ZNF793: variants seen among roughly 807,000 people sequenced by gnomAD.
ZNF793 encodes the protein zinc finger protein 793.
Under a neutral mutation model 12.4 loss-of-function variants are expected in ZNF793, and 5 were observed. The observed-to-expected ratio is 0.40, with a 90% CI of 0.21 to 0.84. ZNF793 has a LOEUF of 0.84. ZNF793 is among the 40% of genes least tolerant of loss of function. The pLI, the probability that ZNF793 is intolerant of heterozygous loss-of-function variation, is 0.35. For synonymous variants in ZNF793, 162 were observed against 172.4 expected (o/e 0.94, Z 0.47); for missense variants, 456 against 495.0 (o/e 0.92, Z 0.75).
intron 5 of ZNF793, among the ~76,000 whole-genome samples, chr19:37,530,477 G>A (rs1429323205): frequency 6.6e-6 from 1 of 152,152 alleles, no homozygotes; most frequent in African/African-American, 2.4e-5. Context: ...GCGGCCTTCT[G>A]TAGTGTGTTG....
chr19:37,519,492 G>A lies in ZNF793; in HGVS notation c.-275-692G>A, dbSNP rs564573195. Among the ~76,000 whole-genome samples the A allele has an allele frequency of 3.3e-5, 5 of 152,220 alleles. No homozygotes were observed. In the South Asian group the frequency reaches 1.0e-3, roughly 32 times the overall value. On this transcript the variant is annotated intron_variant, in intron 2 of 7. Transcript: ENST00000627814. ...CTATTAAAAATAACCAATAAAACTT[G>A]TTTGGTATTTGGAAACTAATAAACC...
intron 2 of ZNF793, among the ~76,000 whole-genome samples, chr19:37,510,734 T>C (rs906494092): frequency 1.3e-5 from 2 of 150,814 alleles, no homozygotes; most frequent in African/African-American, 4.9e-5. Flanking sequence ...TCTCACTCTA[T>C]TGCCCAGGCT....
chr19:37,514,751 G>T (rs1418677698), intron 2 of ZNF793, among the ~76,000 whole-genome samples: 1 of 151,962 alleles, frequency 6.6e-6, no homozygotes, highest in Non-Finnish European at 1.5e-5. Context: ...ACCTTCTTAT[G>T]AATGTACATG....
At chr19:37,523,662 C>A (rs2042391675) in intron 5 of ZNF793, among the ~76,000 whole-genome samples, 1 of 152,074 alleles carries the variant, frequency 6.6e-6, no homozygotes, top group South Asian at 2.1e-4. Context: ...CTGGATTGGG[C>A]TGAGGGAATT....
intron 2 of ZNF793, among the ~76,000 whole-genome samples, chr19:37,510,225 C>T (rs2042282523): frequency 6.6e-6 from 1 of 151,784 alleles, no homozygotes; most frequent in Non-Finnish European, 1.5e-5. Context: ...GCTGGGTAGT[C>T]TGGGCATGTT....
intron 2 of ZNF793, among the ~76,000 whole-genome samples, chr19:37,519,646 C>G (rs1327020903): frequency 6.6e-6 from 1 of 151,992 alleles, no homozygotes; most frequent in Non-Finnish European, 1.5e-5. Context: ...GAAAATAACT[C>G]AGGAAAATCA....
intron 2 of ZNF793, among the ~76,000 whole-genome samples, chr19:37,515,405 C>T (rs550439939): frequency 4.6e-5 from 7 of 151,572 alleles, no homozygotes; most frequent in African/African-American, 1.5e-4. Flanking sequence ...CTTCCCGGGT[C>T]CACGCCATTC....
intron 6 of ZNF793, among the ~76,000 whole-genome samples, 190 bp downstream of exon 6, chr19:37,532,672 A>G (rs2042471344): frequency 6.6e-6 from 1 of 152,162 alleles, no homozygotes; most frequent in Non-Finnish European, 1.5e-5. Context: ...TACAAATATT[A>G]TCCAGGTGTG....
chr19:37,525,437 CTT>C (rs768958436), intron 5 of ZNF793, among the ~76,000 whole-genome samples: 11 of 119,620 alleles, frequency 9.2e-5, no homozygotes, highest in Admixed American at 1.8e-4. Flanking sequence ...CGTGCCTGGC[CTT>C]TTTTTTTTTT....
At chr19:37,512,740 G>A (rs1307437362) in intron 2 of ZNF793, among the ~76,000 whole-genome samples, 2 of 151,970 alleles carry the variant, frequency 1.3e-5, no homozygotes, top group African/African-American at 2.4e-5. Flanking sequence ...TATAATGATC[G>A]AAAGCAGGGA....
intron 4 of ZNF793, among the ~76,000 whole-genome samples, 163 bp downstream of exon 4, chr19:37,522,810 G>A: frequency 6.6e-6 from 1 of 152,018 alleles, no homozygotes; most frequent in Non-Finnish European, 1.5e-5. Flanking sequence ...CTCATTACTG[G>A]TCACGTTAAC....
Position 37,537,885 on chromosome 19 carries a change from A to T in ZNF793, c.*6A>T. The stretch of plus-strand genomic sequence containing the variant: ...TAATTGTGGGAAATACTTGAGCAAA[A>T]TATCTGGTTTCATGGTATGTAGGGA... On this transcript the variant is annotated 3_prime_UTR_variant, in exon 8 of 8. Transcript: ENST00000627814. The T allele has an allele frequency of 6.4e-7, 1 of 1,561,766 alleles. No homozygotes were observed. The highest frequency in any genetic ancestry group is 8.7e-7 in the Non-Finnish European group (1 of 1,153,102).
intron 2 of ZNF793, among the ~76,000 whole-genome samples, chr19:37,513,818 G>A (rs926231451): frequency 1.3e-5 from 2 of 152,140 alleles, no homozygotes; most frequent in Non-Finnish European, 2.9e-5. Context: ...TTAGATGAGC[G>A]AATATGGTAT....
chr19:37,510,287 T>C (rs970504785), intron 2 of ZNF793, among the ~76,000 whole-genome samples: 1 of 151,594 alleles, frequency 6.6e-6, no homozygotes, highest in Non-Finnish European at 1.5e-5. Flanking sequence ...GGTGGACCAC[T>C]TGAGGTCAGG....
At chr19:37,526,188 C>G (rs925984400) in intron 5 of ZNF793, among the ~76,000 whole-genome samples, 1 of 152,194 alleles carries the variant, frequency 6.6e-6, no homozygotes, top group African/African-American at 2.4e-5. Flanking sequence ...GTCTTACTCA[C>G]TGGAGCCTTG....
At chr19:37,533,194 T>C (rs905392120) in intron 6 of ZNF793, 114 bp from the exon 7 acceptor site, 4 of 786,924 alleles carry the variant, frequency 5.1e-6, no homozygotes, top group Non-Finnish European at 8.4e-6. Context: ...GGACAAGGTG[T>C]GTGTTTAGTC....
At chr19:37,526,221 T>C (rs2042414405) in intron 5 of ZNF793, among the ~76,000 whole-genome samples, 1 of 152,166 alleles carries the variant, frequency 6.6e-6, no homozygotes, top group Admixed American at 6.5e-5. Flanking sequence ...CAAGCGATCC[T>C]CCCATTTCAG....
In ZNF793 at chr19:37,539,486, A is replaced by G. The variant is rs1238297515; in HGVS notation, c.*1607A>G. 6.6e-6 allele frequency: 1 copy of G among 152,218 alleles called. No individual in the cohort carries two copies. Among genetic ancestry groups the G allele is most frequent in the African/African-American group, 2.4e-5 (1 of 41,460 alleles). 9.4% of individuals were successfully genotyped at this position (152,218 alleles called of 1,614,324 possible). A position where few individuals can be genotyped will look rare whatever the true frequency, so the allele number is the denominator to read the frequency against. ...GACACTAAATCCCAAGGTTTTAATT[A>G]TTTCAATGTTTGGAAAGAAGTCTGC... On this transcript the variant is annotated 3_prime_UTR_variant, in exon 8 of 8. Transcript: ENST00000627814.
At position 37,537,276 on chromosome 19, in the gene ZNF793, AC is replaced by A. The variant is rs773461621; in HGVS notation, c.620del (p.Pro207GlnfsTer3). On this transcript the variant is annotated frameshift_variant, in exon 8 of 8. Coordinates refer to ENST00000627814, the MANE Select transcript of ZNF793 (RefSeq NM_001013659.3). LOFTEE classifies it low-confidence loss of function (END_TRUNC). ...CCCAGAACCCGGCACTTATGTATAA[AC>A]CAGCAGTAAGTGATTCTCTCTTGTA... Reference protein sequence around the residue: ...FTQNPALMYKPAVSDSLLYKR... With the variant: ...FTQNPALMYKXAVSDSLLYKR... The A allele has an allele frequency of 6.0e-5, 97 of 1,613,740 alleles. No individual in the cohort carries two copies. Among genetic ancestry groups the A allele is most frequent in the Non-Finnish European group, 8.1e-5 (96 of 1,179,876 alleles).
Sources: gnomAD v4.1 joint callset for allele counts (sites outside exome capture counted in the v4.1 genomes callset) on GRCh38, gnomAD v4.1.1 for gene constraint, MANE v1.5 for transcripts, NCBI Gene and HGNC (gene_info 2026-07-23, HGNC 2026-07-21) for gene names.